Variants in VDAC1 observed in about 807,000 individuals in gnomAD.
VDAC1 encodes voltage dependent anion channel 1.
A neutral mutation model predicts 34.7 loss-of-function variants in VDAC1; 10 were observed. The ratio of observed to expected loss-of-function variants is 0.29; its 90% CI spans 0.18 to 0.49. The LOEUF (loss-of-function observed/expected upper bound fraction) is 0.49. Ranked by LOEUF, VDAC1 falls within the 20% of genes least tolerant of loss-of-function variation. The pLI, the probability that VDAC1 is intolerant of heterozygous loss-of-function variation, is 0.99. For missense variants in VDAC1, 230 were observed against 347.9 expected, an observed-to-expected ratio of 0.66 and a Z score of 2.69; for synonymous variants, 130 against 136.0, an observed-to-expected ratio of 0.96 and a Z score of 0.30.
the VDAC1 span, among the ~76,000 whole-genome samples, chr5:134,109,370 A>G: frequency 0.8 from 121,699 of 152,118 alleles, 49,033 homozygotes; most frequent in Non-Finnish European, 0.86. Context: ...TGACCCCCAC[A>G]TGAACACCAG....
the VDAC1 span, among the ~76,000 whole-genome samples, chr5:134,064,712 C>T: frequency 1.1e-5 from 1 of 88,170 alleles, no homozygotes; most frequent in South Asian, 3.5e-4. Context: ...TTTTCTGTAA[C>T]TTCTTTTTTT....
chr5:133,992,162 A>G (rs577086080), intron 3 of VDAC1, 144 bp downstream of exon 3: 3 of 464,472 alleles, frequency 6.5e-6, no homozygotes, highest in African/African-American at 4.1e-5. Flanking sequence ...CTTGAACCCA[A>G]GAAGTGGAGG....
intron 7 of VDAC1, among the ~76,000 whole-genome samples, chr5:133,974,814 G>A (rs572577821): frequency 2.2e-3 from 332 of 152,354 alleles, no homozygotes; most frequent in Non-Finnish European, 3.6e-3. Context: ...TTATCCAGGT[G>A]TGGTGGTGGG....
the VDAC1 span, among the ~76,000 whole-genome samples, chr5:134,012,218 G>A: frequency 2.0e-5 from 3 of 152,118 alleles, no homozygotes; most frequent in Admixed American, 2.0e-4. Context: ...GAAGGAGGGA[G>A]CCCTGATGCC....
the VDAC1 span, among the ~76,000 whole-genome samples, chr5:134,114,308 C>A: frequency 6.6e-6 from 1 of 152,024 alleles, no homozygotes; most frequent in Non-Finnish European, 1.5e-5. Flanking sequence ...AAGCACAGGG[C>A]GCATTGGAGC....
At chr5:134,018,207 A>G in the VDAC1 span, among the ~76,000 whole-genome samples, 1,699 of 152,342 alleles carry the variant, frequency 0.011, 30 homozygotes, top group African/African-American at 0.038. Flanking sequence ...TCATGGCAGA[A>G]GGCCAACAAG....
chr5:134,086,426 C>A, the VDAC1 span, among the ~76,000 whole-genome samples: 4 of 152,272 alleles, frequency 2.6e-5, no homozygotes, highest in Admixed American at 2.0e-4. Context: ...AACCTGGAAC[C>A]TGGGAGGCCT....
chr5:134,039,359 C>T, the VDAC1 span, among the ~76,000 whole-genome samples: 1 of 152,088 alleles, frequency 6.6e-6, no homozygotes, highest in African/African-American at 2.4e-5. Flanking sequence ...GACGGAGTCT[C>T]CCTCTGTCGC....
chr5:134,015,776 C>T, the VDAC1 span, among the ~76,000 whole-genome samples: 1 of 152,106 alleles, frequency 6.6e-6, no homozygotes, highest in African/African-American at 2.4e-5. Context: ...TCCCGAGTAG[C>T]TGGGACTACA....
At chr5:134,095,823 A>G in the VDAC1 span, among the ~76,000 whole-genome samples, 1 of 152,210 alleles carries the variant, frequency 6.6e-6, no homozygotes, top group Non-Finnish European at 1.5e-5. Flanking sequence ...GCCCCACTGT[A>G]AATGCTCAAT....
At position 133,980,953 on chromosome 5, in the gene VDAC1, T is replaced by C; in HGVS notation, c.327A>G (p.Lys109=). The C allele has an allele frequency of 1.2e-6, 2 of 1,613,828 alleles. No homozygotes were observed. The highest frequency in any genetic ancestry group is 8.5e-7 in the Non-Finnish European group (1 of 1,179,798). Reference sequence around the variant, plus strand: ...ACCCTGTCTTGATTTTAGCATTTTTTTTCCTGAAGGAAAATAAGTTATATT... The same window carrying C: ...ACCCTGTCTTGATTTTAGCATTTTTCTTCCTGAAGGAAAATAAGTTATATT... ...FDSSFSPNTG[K]KNAKIKTGYK... is the part of the protein sequence containing the mutation. Residue 109 remains lysine, a synonymous_variant, in exon 6 of 9, where the codon AAA becomes AAG. Transcript: ENST00000265333.
At chr5:134,010,443 C>T in the VDAC1 span, among the ~76,000 whole-genome samples, 37 of 152,126 alleles carry the variant, frequency 2.4e-4, no homozygotes, top group African/African-American at 8.9e-4. Context: ...ACTAAAAATA[C>T]AAAAATTAGC....
At chr5:134,092,675 CAAA>C in the VDAC1 span, among the ~76,000 whole-genome samples, 7 of 96,980 alleles carry the variant, frequency 7.2e-5, no homozygotes, top group Admixed American at 1.2e-4. Context: ...GATTCCGTCT[CAAA>C]AAAAAAAAAA....
chr5:133,981,389 C>T (rs925849408), intron 5 of VDAC1, among the ~76,000 whole-genome samples: 7 of 152,156 alleles, frequency 4.6e-5, no homozygotes, highest in South Asian at 4.1e-4. Context: ...TTTAAAGAGA[C>T]GGTTTTCTTC....
chr5:133,982,348 C>T (rs901514991), intron 5 of VDAC1, among the ~76,000 whole-genome samples: 2 of 151,782 alleles, frequency 1.3e-5, no homozygotes, highest in African/African-American at 4.8e-5. Flanking sequence ...ACCGTCTCTA[C>T]TAAAAACACA....
At chr5:134,035,754 C>T in the VDAC1 span, among the ~76,000 whole-genome samples, 145 of 152,256 alleles carry the variant, frequency 9.5e-4, no homozygotes, top group East Asian at 0.013. Flanking sequence ...CGCCTGTAAT[C>T]CCAGCACTTT....
chr5:134,105,950 G>A, the VDAC1 span, among the ~76,000 whole-genome samples: 5 of 152,268 alleles, frequency 3.3e-5, no homozygotes, highest in South Asian at 2.1e-4. Flanking sequence ...GAATCTCTCC[G>A]GCCTGAGAGG....
chr5:133,979,491 G>A (rs1000848289), intron 6 of VDAC1, among the ~76,000 whole-genome samples: 97 of 133,006 alleles, frequency 7.3e-4, no homozygotes, highest in South Asian at 1.7e-3. Flanking sequence ...GCGCAGTGGC[G>A]TGATCTCGGC....
At chr5:134,022,114 G>A in the VDAC1 span, among the ~76,000 whole-genome samples, 1 of 152,098 alleles carries the variant, frequency 6.6e-6, no homozygotes, top group Non-Finnish European at 1.5e-5. Flanking sequence ...CCTGACCTCA[G>A]GTGATCTGAC....
Sources: gnomAD v4.1 joint callset for allele counts (sites outside exome capture counted in the v4.1 genomes callset) on GRCh38, gnomAD v4.1.1 for gene constraint, MANE v1.5 for transcripts, NCBI Gene and HGNC (gene_info 2026-07-23, HGNC 2026-07-21) for gene names.